Variants in ELOVL7 observed in about 807,000 individuals in gnomAD.
ELOVL7 encodes very long chain fatty acid elongase 7.
Under a neutral mutation model 35.7 loss-of-function variants are expected in ELOVL7, and 27 were observed. The ratio of observed to expected loss-of-function variants is 0.76; its 90% CI spans 0.56 to 1.04. ELOVL7 has a LOEUF of 1.04. ELOVL7 is among the 50% of genes least tolerant of loss of function. ELOVL7 has a pLI of 0.00. For missense variants in ELOVL7, 327 were observed against 340.8 expected, an observed-to-expected ratio of 0.96 and a Z score of 0.32; for synonymous variants, 113 against 114.6, an observed-to-expected ratio of 0.99 and a Z score of 0.09.
At chr5:60,807,381 A>G (rs1744991903) in intron 1 of ELOVL7, among the ~76,000 whole-genome samples, 1 of 152,176 alleles carries the variant, frequency 6.6e-6, no homozygotes, top group Non-Finnish European at 1.5e-5. Context: ...AAAAATGACT[A>G]TAAACTGAAA....
At chr5:60,803,058 C>T (rs1455574323) in intron 1 of ELOVL7, among the ~76,000 whole-genome samples, 3 of 152,170 alleles carry the variant, frequency 2.0e-5, no homozygotes, top group Non-Finnish European at 4.4e-5. Context: ...TTTTTGGGAG[C>T]TTCAAAATCC....
intron 7 of ELOVL7, among the ~76,000 whole-genome samples, chr5:60,760,209 G>T (rs1336556909): frequency 6.6e-6 from 1 of 152,148 alleles, no homozygotes; most frequent in Non-Finnish European, 1.5e-5. Context: ...CTGAGGAATC[G>T]CCACACTGAC....
At chr5:60,814,356 G>A (rs1745401117) in intron 1 of ELOVL7, among the ~76,000 whole-genome samples, 1 of 152,144 alleles carries the variant, frequency 6.6e-6, no homozygotes. Flanking sequence ...TCAAAGAGGT[G>A]TTAACAGATT....
At chr5:60,825,251 G>A (rs1173504510) in intron 1 of ELOVL7, among the ~76,000 whole-genome samples, 1 of 152,050 alleles carries the variant, frequency 6.6e-6, no homozygotes, top group Non-Finnish European at 1.5e-5. Flanking sequence ...CACCAAGAAT[G>A]CCCTGCCTCA....
chr5:60,797,190 G>T (rs11738298), intron 2 of ELOVL7, among the ~76,000 whole-genome samples: 1 of 152,044 alleles, frequency 6.6e-6, no homozygotes, highest in Non-Finnish European at 1.5e-5. Context: ...TAACACATAC[G>T]CATGTGTGTA....
At chr5:60,760,159 T>A (rs1165091064) in intron 7 of ELOVL7, among the ~76,000 whole-genome samples, 1 of 152,176 alleles carries the variant, frequency 6.6e-6, no homozygotes, top group Non-Finnish European at 1.5e-5. Flanking sequence ...TACCCAGTAA[T>A]GGGATGGCTG....
intron 2 of ELOVL7, among the ~76,000 whole-genome samples, chr5:60,795,865 G>A (rs1027824658): frequency 3.3e-5 from 5 of 152,110 alleles, no homozygotes; most frequent in Non-Finnish European, 5.9e-5. Context: ...AACACTCACC[G>A]CATGGCCCAA....
chr5:60,805,036 A>G lies in ELOVL7; in HGVS notation c.-85-5806T>C, dbSNP rs185783948. Among the ~76,000 whole-genome samples the G allele has an allele frequency of 2.4e-4, 37 of 152,354 alleles. 1 individual carries two copies. In the East Asian group the frequency reaches 6.9e-3, roughly 29 times the overall value. ...ACACAGACTGCAAAAGTCTTTAGGA[A>G]TGAAGAGTCACATCTGTATCCACAT... On this transcript the variant is annotated intron_variant, in intron 1 of 8. Transcript: ENST00000508821.
chr5:60,837,324 A>G (rs76827867), intron 1 of ELOVL7, among the ~76,000 whole-genome samples: 43,999 of 55,160 alleles, frequency 0.8, 16,616 homozygotes, highest in East Asian at 0.87. Context: ...GTGGGGGGGG[A>G]GTGGGGGGTG....
intron 7 of ELOVL7, among the ~76,000 whole-genome samples, chr5:60,760,415 T>C (rs960942316): frequency 6.6e-6 from 1 of 152,176 alleles, no homozygotes; most frequent in African/African-American, 2.4e-5. Context: ...TTTCATGTGT[T>C]TTTTGGCTGC....
chr5:60,791,967 C>T (rs1467374774), intron 2 of ELOVL7, among the ~76,000 whole-genome samples: 1 of 152,130 alleles, frequency 6.6e-6, no homozygotes, highest in Non-Finnish European at 1.5e-5. Flanking sequence ...CCAGTCCTCA[C>T]CGAAGCACAA....
chr5:60,794,992 G>C (rs549917723), intron 2 of ELOVL7, among the ~76,000 whole-genome samples: 1 of 152,344 alleles, frequency 6.6e-6, no homozygotes, highest in East Asian at 1.9e-4. Flanking sequence ...CAGAGTAAGG[G>C]AGGAGAAGGG....
At chr5:60,806,999 G>A (rs1316613210) in intron 1 of ELOVL7, among the ~76,000 whole-genome samples, 1 of 152,188 alleles carries the variant, frequency 6.6e-6, no homozygotes, top group Non-Finnish European at 1.5e-5. Flanking sequence ...AAAACGCTGT[G>A]GCCCAGGAAA....
intron 1 of ELOVL7, among the ~76,000 whole-genome samples, chr5:60,839,692 C>T (rs1030166078): frequency 3.9e-5 from 6 of 152,286 alleles, no homozygotes; most frequent in South Asian, 2.1e-4. Context: ...TCCGGAATTC[C>T]GTGTTTGGTA....
intron 4 of ELOVL7, among the ~76,000 whole-genome samples, chr5:60,769,142 A>G (rs1280398195): frequency 6.6e-6 from 1 of 152,240 alleles, no homozygotes; most frequent in Non-Finnish European, 1.5e-5. Context: ...AAAGCACAAG[A>G]TATTTCACGA....
chr5:60,792,500 A>G (rs1377135827), intron 2 of ELOVL7, among the ~76,000 whole-genome samples: 1 of 152,152 alleles, frequency 6.6e-6, no homozygotes. Context: ...CCTAGACTAG[A>G]CCCAGACATA....
chr5:60,826,846 T>G (rs1159568151), intron 1 of ELOVL7, among the ~76,000 whole-genome samples: 1 of 152,184 alleles, frequency 6.6e-6, no homozygotes, highest in African/African-American at 2.4e-5. Flanking sequence ...GGATAATTTC[T>G]CTGCTTACTC....
chr5:60,767,987 T>C, intron 4 of ELOVL7, 84 bp from the exon 5 acceptor site: 2 of 1,054,114 alleles, frequency 1.9e-6, no homozygotes, highest in Non-Finnish European at 3.0e-6. Context: ...TGTCTCTTCA[T>C]TACATTTTCA....
At chr5:60,805,606 G>C (rs1579883048) in intron 1 of ELOVL7, among the ~76,000 whole-genome samples, 2 of 152,126 alleles carry the variant, frequency 1.3e-5, no homozygotes, top group East Asian at 3.9e-4. Flanking sequence ...AGCAGGGAGA[G>C]CAATTACACA....
Sources: allele counts gnomAD v4.1 joint callset (sites outside exome capture counted in the v4.1 genomes callset), GRCh38; gene constraint gnomAD v4.1.1; transcripts MANE v1.5; gene names NCBI Gene and HGNC (gene_info 2026-07-23, HGNC 2026-07-21).